The following PLXNA4 variants were observed in gnomAD, a reference collection of about 807,000 sequenced individuals.
PLXNA4 encodes the protein plexin A4, also known as plexin-A4.
A neutral mutation model predicts 191.8 loss-of-function variants in PLXNA4; 44 were observed. That is an observed-to-expected ratio of 0.23 (90% CI 0.18 to 0.29). The LOEUF is 0.29. PLXNA4 is among the 10% of genes least tolerant of loss of function. The probability of loss-of-function intolerance (pLI) is 1.00; values close to 1 mark genes in which losing one functional copy is unlikely to be tolerated. For synonymous variants in PLXNA4, 1,082 were observed against 1,009.5 expected (o/e 1.07, Z -1.36); for missense variants, 1,800 against 2,488.8 (o/e 0.72, Z 5.89).
chr7:132,609,161 T>G (rs1802999819), intron 2 of PLXNA4, among the ~76,000 whole-genome samples: 1 of 152,174 alleles, frequency 6.6e-6, no homozygotes, highest in African/African-American at 2.4e-5. Context: ...ACACGTTTTG[T>G]CATAATTACA....
At chr7:132,636,713 C>A (rs1479201921) in intron 2 of PLXNA4, among the ~76,000 whole-genome samples, 1 of 152,158 alleles carries the variant, frequency 6.6e-6, no homozygotes, top group African/African-American at 2.4e-5. Flanking sequence ...CCCACTGCAG[C>A]CCAATAAGGT....
rs1563048357 is a variant in PLXNA4 at position 132,132,468 on chromosome 7, C to CTGTTCTGTTCTGTTCTGCTCTGT, written c.5589+580_5589+581insACAGAGCAGAACAGAACAGAACA. ...TTCTGTTCTGTTCTGTTCTGTTCTG[C>CTGTTCTGTTCTGTTCTGCTCTGT]TCTGCTCTGCTCTGCTCTGCTCTAT... is the stretch of plus-strand genomic sequence containing the variant. On this transcript the variant is annotated intron_variant, in intron 31 of 31. Coordinates refer to ENST00000321063, the MANE Select transcript of PLXNA4 (RefSeq NM_020911.2). 9.0e-5 allele frequency among the ~76,000 whole-genome samples: 4 copies of CTGTTCTGTTCTGTTCTGCTCTGT among 44,562 alleles called. 1 individual carries two copies. The highest frequency in any genetic ancestry group is 2.5e-4 in the African/African-American group (3 of 12,180). The allele number at this position is 44,562 out of a possible 152,430, so 29.2% of individuals were successfully genotyped here.
At chr7:132,231,787 G>A (rs1229086416) in intron 5 of PLXNA4, among the ~76,000 whole-genome samples, 1 of 152,166 alleles carries the variant, frequency 6.6e-6, no homozygotes, top group African/African-American at 2.4e-5. Flanking sequence ...AGAAAGGCAC[G>A]GCTGCAGCAG....
chr7:132,192,907 G>A (rs951577143), intron 14 of PLXNA4, among the ~76,000 whole-genome samples: 3 of 152,040 alleles, frequency 2.0e-5, no homozygotes, highest in African/African-American at 7.3e-5. Flanking sequence ...ACTGGGGAGA[G>A]ATCCTCAGAA....
rs554195595 is a variant in PLXNA4 at position 132,232,338 on chromosome 7, C to T, written c.1605-3869G>A. On this transcript the variant is annotated intron_variant, in intron 5 of 31. Transcript: ENST00000321063. ...CAGGTAGGAAAACTAGAGCTGAAAA[C>T]GGATTCAGACAGTGCATATACTGTG... Among the ~76,000 whole-genome samples, 52 of 152,228 alleles carry T rather than the reference C, an allele frequency of 3.4e-4. 1 individual carries two copies. In the South Asian group the frequency reaches 5.2e-3, roughly 15 times the overall value.
chr7:132,287,453 T>C (rs1800724032), intron 4 of PLXNA4, among the ~76,000 whole-genome samples: 1 of 152,212 alleles, frequency 6.6e-6, no homozygotes, highest in South Asian at 2.1e-4. Context: ...ATCACTTTAA[T>C]TTTCTACATA....
chr7:132,574,426 G>T (rs1026670305), intron 1 of PLXNA4, among the ~76,000 whole-genome samples: 1 of 152,230 alleles, frequency 6.6e-6, no homozygotes, highest in Non-Finnish European at 1.5e-5. Flanking sequence ...CGCCCTCAAG[G>T]GGCATGTGGG....
intron 3 of PLXNA4, among the ~76,000 whole-genome samples, chr7:132,483,074 A>G (rs991248791): frequency 2.6e-5 from 4 of 152,168 alleles, no homozygotes; most frequent in Non-Finnish European, 5.9e-5. Flanking sequence ...GACATCATCA[A>G]TAAGCAAGCC....
intron 31 of PLXNA4, among the ~76,000 whole-genome samples, chr7:132,132,639 GTTTC>G (rs1209294727): frequency 9.3e-5 from 14 of 150,160 alleles, no homozygotes; most frequent in Non-Finnish European, 1.6e-4. Flanking sequence ...AGTCTATTCT[GTTTC>G]TATTCTATTC....
chr7:132,600,636 G>A (rs6958050), intron 2 of PLXNA4, among the ~76,000 whole-genome samples: 1 of 152,152 alleles, frequency 6.6e-6, no homozygotes, highest in Non-Finnish European at 1.5e-5. Flanking sequence ...GCCTCCCAAA[G>A]TGCTGGGATT....
intron 25 of PLXNA4, among the ~76,000 whole-genome samples, chr7:132,152,606 G>GCTC (rs749694351): frequency 3.3e-5 from 5 of 152,126 alleles, no homozygotes; most frequent in Admixed American, 2.6e-4. Context: ...TCTCTACCTT[G>GCTC]CTCCGTAGGA....
At chr7:132,360,743 T>TAG (rs920758223) in intron 3 of PLXNA4, among the ~76,000 whole-genome samples, 4 of 152,264 alleles carry the variant, frequency 2.6e-5, no homozygotes, top group South Asian at 2.1e-4. Flanking sequence ...TGCGTGCTTG[T>TAG]AGAGAGAGAG....
At chr7:132,176,732 ATG>A (rs1459607426) in intron 20 of PLXNA4, among the ~76,000 whole-genome samples, 1 of 149,398 alleles carries the variant, frequency 6.7e-6, no homozygotes, top group Non-Finnish European at 1.5e-5. Context: ...ATGAGTGTGT[ATG>A]TGTGTGAATG....
rs543838682 is a variant in PLXNA4 at position 132,424,248 on chromosome 7, G to C, written c.1371+65044C>G. ...GTGGATTCACATGCTGGTGCTGCTG[G>C]TCTGCCCCCCGCTCCCTGGCCTGGG... On this transcript the variant is annotated intron_variant, in intron 3 of 31. Coordinates refer to ENST00000321063, the MANE Select transcript of PLXNA4 (RefSeq NM_020911.2). Among the ~76,000 whole-genome samples the C allele has an allele frequency of 7.2e-5, 11 of 152,276 alleles. No homozygotes were observed. In the South Asian group the frequency reaches 1.9e-3, roughly 26 times the overall value.
rs1801055069 is a variant in PLXNA4 at position 132,295,765 on chromosome 7, G to A, written c.1503+2326C>T. ...CAGCCCCTGCCTGACTCTAAGCACG[G>A]CCAGTGTCTGGAAACTCCTGTCACA... On this transcript the variant is annotated intron_variant, in intron 4 of 31. Coordinates refer to ENST00000321063, the MANE Select transcript of PLXNA4 (RefSeq NM_020911.2). Among the ~76,000 whole-genome samples the A allele has an allele frequency of 5.9e-5, 9 of 152,114 alleles. No individual in the cohort carries two copies. The South Asian group carries it at 1.9e-3, about 32-fold the overall frequency.
chr7:132,517,870 C>A (rs1056532774), intron 1 of PLXNA4, among the ~76,000 whole-genome samples: 1 of 152,224 alleles, frequency 6.6e-6, no homozygotes, highest in African/African-American at 2.4e-5. Flanking sequence ...ATCTAAGAAA[C>A]TTCAAACACT....
chr7:132,492,229 CAT>C (rs1233217780), intron 2 of PLXNA4, among the ~76,000 whole-genome samples: 3 of 152,244 alleles, frequency 2.0e-5, no homozygotes, highest in Admixed American at 2.0e-4. Flanking sequence ...CTGCCACAAA[CAT>C]AGGCCTCATT....
chr7:132,151,647 A>G (rs546162346), intron 25 of PLXNA4, among the ~76,000 whole-genome samples: 1 of 152,086 alleles, frequency 6.6e-6, no homozygotes, highest in Admixed American at 6.5e-5. Context: ...GAGGAAGAAG[A>G]GGAAGAAGAA....
intron 3 of PLXNA4, among the ~76,000 whole-genome samples, chr7:132,365,354 T>TGCGCGCGCGCGC (rs1318200658): frequency 1.6e-5 from 2 of 125,934 alleles, no homozygotes; most frequent in African/African-American, 7.5e-5. Flanking sequence ...TGTGTGTGTG[T>TGCGCGCGCGCGC]GTGTGTGCGT....
Sources: gnomAD v4.1 joint callset for allele counts (sites outside exome capture counted in the v4.1 genomes callset) on GRCh38, gnomAD v4.1.1 for gene constraint, MANE v1.5 for transcripts, NCBI Gene and HGNC (gene_info 2026-07-23, HGNC 2026-07-21) for gene names.